Variants in ARHGAP42 observed in about 807,000 individuals in gnomAD.
ARHGAP42 encodes the protein Rho GTPase activating protein 42.
In ARHGAP42, 63 loss-of-function variants were observed where a neutral mutation model predicts 125.0. That is an observed-to-expected ratio of 0.50 (90% CI 0.41 to 0.62). The LOEUF is 0.62. Among genes scored for constraint, ARHGAP42 ranks in the 20% least tolerant of loss-of-function variants. The pLI is 0.00. For missense variants in ARHGAP42, 766 were observed against 1,024.2 expected (o/e 0.75, Z 3.44); for synonymous variants, 339 against 351.0 (o/e 0.97, Z 0.38).
chr11:100,916,637 A>G (rs1430400590), intron 5 of ARHGAP42, among the ~76,000 whole-genome samples: 1 of 152,210 alleles, frequency 6.6e-6, no homozygotes, highest in Non-Finnish European at 1.5e-5. Context: ...TGGGAGCATA[A>G]GATTTAATCA....
chr11:100,960,040 G>T, intron 13 of ARHGAP42, 95 bp downstream of exon 13: 2 of 1,111,102 alleles, frequency 1.8e-6, no homozygotes, highest in Non-Finnish European at 2.6e-6. Context: ...GATGTATTTG[G>T]TCATTAACAT....
intron 1 of ARHGAP42, among the ~76,000 whole-genome samples, chr11:100,764,025 C>CTTCT (rs1554993497): frequency 0.015 from 1,505 of 101,500 alleles, 44 homozygotes; most frequent in African/African-American, 0.05. Flanking sequence ...TCTTCTTCTT[C>CTTCT]TTTTTTTTTT....
intron 7 of ARHGAP42, among the ~76,000 whole-genome samples, chr11:100,933,713 A>G (rs1480722883): frequency 2.0e-5 from 3 of 152,238 alleles, no homozygotes; most frequent in African/African-American, 7.2e-5. Context: ...TGTTAACTAT[A>G]CAATTTTTAT....
chr11:100,989,332 A>C lies in ARHGAP42; in HGVS notation c.*531A>C, dbSNP rs554881994. ...GGATGTAAGTCTTTGTTTTAATATAACTTTATTTGTTTTCCAAGTAGATGA... is the reference window on the plus strand; with the variant it reads ...GGATGTAAGTCTTTGTTTTAATATACCTTTATTTGTTTTCCAAGTAGATGA... On this transcript the variant is annotated 3_prime_UTR_variant, in exon 24 of 24. Coordinates refer to ENST00000298815, the MANE Select transcript of ARHGAP42 (RefSeq NM_152432.4). 4.1e-5 allele frequency: 16 copies of C among 388,422 alleles called. No individual in the cohort carries two copies. The highest frequency in any genetic ancestry group is 2.3e-4 in the African/African-American group (11 of 48,502). The allele number at this position is 388,422 out of a possible 1,614,324, so 24.1% of individuals were successfully genotyped here.
rs967363986 is a variant in ARHGAP42 at position 100,742,854 on chromosome 11, A to G, written c.155-27489A>G. Among the ~76,000 whole-genome samples, 29 of 152,044 alleles carry G rather than the reference A, an allele frequency of 1.9e-4. 2 individuals carry two copies. Among genetic ancestry groups the G allele is most frequent in the African/African-American group, 6.8e-4 (28 of 41,402 alleles). On this transcript the variant is annotated intron_variant, in intron 1 of 23. Transcript: ENST00000298815. ...TGTCTTTTTCTACTGTTGTTCCTTT[A>G]AAGTCTGTTTTATTTGATATAAGAA... is the stretch of plus-strand genomic sequence containing the variant.
chr11:100,758,181 C>A (rs562871773), intron 1 of ARHGAP42, among the ~76,000 whole-genome samples: 2 of 152,054 alleles, frequency 1.3e-5, no homozygotes, highest in African/African-American at 4.8e-5. Flanking sequence ...GTTTGTCACT[C>A]CATTTAAATT....
chr11:100,902,862 G>A (rs944541745), intron 4 of ARHGAP42, among the ~76,000 whole-genome samples: 18 of 152,164 alleles, frequency 1.2e-4, no homozygotes, highest in African/African-American at 4.3e-4. Flanking sequence ...AGACAGGAGA[G>A]TTCTTGTTCC....
At chr11:100,892,676 C>T (rs1435284012) in intron 4 of ARHGAP42, among the ~76,000 whole-genome samples, 1 of 152,172 alleles carries the variant, frequency 6.6e-6, no homozygotes, top group East Asian at 1.9e-4. Context: ...TATCAGGTTT[C>T]TAGTCAGTAA....
chr11:100,799,447 C>T (rs568033996), intron 3 of ARHGAP42, among the ~76,000 whole-genome samples: 2 of 152,238 alleles, frequency 1.3e-5, no homozygotes, highest in Admixed American at 6.5e-5. Flanking sequence ...TGCTGTTTTA[C>T]GTGCTTTATA....
chr11:100,977,548 G>A (rs149494568), intron 21 of ARHGAP42, among the ~76,000 whole-genome samples: 3 of 152,214 alleles, frequency 2.0e-5, no homozygotes, highest in South Asian at 2.1e-4. Flanking sequence ...GTAGAAAGTG[G>A]GTGAAGAAGA....
chr11:100,931,915 A>C (rs192254012), intron 6 of ARHGAP42, among the ~76,000 whole-genome samples: 3 of 152,304 alleles, frequency 2.0e-5, no homozygotes, highest in African/African-American at 7.2e-5. Flanking sequence ...TTTGATAATA[A>C]GTATTAGTTG....
At chr11:100,753,645 G>A (rs61892334) in intron 1 of ARHGAP42, among the ~76,000 whole-genome samples, 38,582 of 152,188 alleles carry the variant, frequency 0.25, 5,125 homozygotes, top group Non-Finnish European at 0.29. Context: ...GTTAGAATCA[G>A]GAATGGTTTC....
chr11:100,788,772 A>G (rs1242152639), intron 2 of ARHGAP42, among the ~76,000 whole-genome samples: 1 of 152,106 alleles, frequency 6.6e-6, no homozygotes, highest in African/African-American at 2.4e-5. Context: ...CATGGTATTT[A>G]TTGTTTAGGT....
chr11:100,979,163 T>C, intron 22 of ARHGAP42, 114 bp downstream of exon 22: 1 of 1,025,292 alleles, frequency 9.8e-7, no homozygotes, highest in East Asian at 2.6e-5. Context: ...GATGGTCAAA[T>C]TTAAGTCCAC....
At chr11:100,897,526 T>A (rs1390729890) in intron 4 of ARHGAP42, among the ~76,000 whole-genome samples, 1 of 152,130 alleles carries the variant, frequency 6.6e-6, no homozygotes, top group South Asian at 2.1e-4. Flanking sequence ...TGAGCAGTGG[T>A]TTGTAGTTCT....
intron 1 of ARHGAP42, among the ~76,000 whole-genome samples, chr11:100,729,012 G>A (rs960003470): frequency 2.6e-5 from 4 of 151,756 alleles, no homozygotes; most frequent in African/African-American, 9.6e-5. Context: ...CAGGTTATCT[G>A]CCCACCTCGG....
At chr11:100,986,150 A>G (rs1858673794) in intron 22 of ARHGAP42, 1 of 453,270 alleles carries the variant, frequency 2.2e-6, no homozygotes, top group Admixed American at 2.4e-5. Context: ...GGAGAAGATA[A>G]AAATATCAGC....
At chr11:100,714,424 TTTGAGA>T in intron 1 of ARHGAP42, among the ~76,000 whole-genome samples, 1 of 149,986 alleles carries the variant, frequency 6.7e-6, no homozygotes, top group East Asian at 2.0e-4. Context: ...TGTGTGTGTA[TTTGAGA>T]TACTTCAGTG....
At chr11:100,805,951 T>G (rs664235) in intron 3 of ARHGAP42, among the ~76,000 whole-genome samples, 2,638 of 152,302 alleles carry the variant, frequency 0.017, 79 homozygotes, top group African/African-American at 0.06. Flanking sequence ...ACCAGCATCT[T>G]GTGCCAACCT....
Sources: gnomAD v4.1 joint callset for allele counts (sites outside exome capture counted in the v4.1 genomes callset) on GRCh38, gnomAD v4.1.1 for gene constraint, MANE v1.5 for transcripts, NCBI Gene and HGNC (gene_info 2026-07-23, HGNC 2026-07-21) for gene names.